The following PHLPP1 variants were observed in gnomAD, a reference collection of about 807,000 sequenced individuals.
PHLPP1 encodes the protein PH domain and leucine rich repeat protein phosphatase 1.
Under a neutral mutation model 117.2 loss-of-function variants are expected in PHLPP1, and 42 were observed. The observed-to-expected ratio is 0.36, with a 90% CI of 0.28 to 0.46. The LOEUF is 0.46. Ranked by LOEUF, PHLPP1 falls within the 20% of genes least tolerant of loss-of-function variation. The pLI is 1.00. For missense variants in PHLPP1, 2,084 were observed against 2,241.9 expected (o/e 0.93, Z 1.42); for synonymous variants, 1,042 against 970.7 (o/e 1.07, Z -1.37).
intron 1 of PHLPP1, among the ~76,000 whole-genome samples, chr18:62,801,765 A>T (rs1015521509): frequency 1.3e-5 from 2 of 151,914 alleles, no homozygotes; most frequent in Admixed American, 1.3e-4. Context: ...GTTTGTTTTT[A>T]TGTCCATGGT....
intron 4 of PHLPP1, among the ~76,000 whole-genome samples, chr18:62,876,521 A>G (rs1335987003): frequency 6.6e-6 from 1 of 152,152 alleles, no homozygotes. Context: ...TAAAATTGCC[A>G]TCTACTGTAA....
At chr18:62,758,411 C>T (rs1912098101) in intron 1 of PHLPP1, among the ~76,000 whole-genome samples, 1 of 152,134 alleles carries the variant, frequency 6.6e-6, no homozygotes, top group African/African-American at 2.4e-5. Context: ...AAATGGGTAT[C>T]CTTTCGTGCT....
At chr18:62,936,595 A>C (rs548177328) in intron 10 of PHLPP1, among the ~76,000 whole-genome samples, 2 of 152,346 alleles carry the variant, frequency 1.3e-5, no homozygotes, top group Admixed American at 1.3e-4. Flanking sequence ...TAATATCTCC[A>C]ATAATAAGAC....
chr18:62,881,677 C>A (rs1356277115), intron 4 of PHLPP1, among the ~76,000 whole-genome samples: 2 of 152,186 alleles, frequency 1.3e-5, no homozygotes, highest in Non-Finnish European at 2.9e-5. Flanking sequence ...TGCTAAGCCT[C>A]CCAGATGATG....
intron 4 of PHLPP1, among the ~76,000 whole-genome samples, chr18:62,882,455 T>C (rs1437681216): frequency 1.3e-5 from 2 of 151,976 alleles, no homozygotes; most frequent in Non-Finnish European, 2.9e-5. Context: ...GTATTTTTAG[T>C]AGAGACGGGG....
chr18:62,765,037 G>A (rs1912421036), intron 1 of PHLPP1, among the ~76,000 whole-genome samples: 1 of 152,098 alleles, frequency 6.6e-6, no homozygotes, highest in South Asian at 2.1e-4. Flanking sequence ...TCATCTAAAT[G>A]TCCTTCCCTC....
At chr18:62,807,661 G>A (rs1599057824) in intron 1 of PHLPP1, among the ~76,000 whole-genome samples, 1 of 152,248 alleles carries the variant, frequency 6.6e-6, no homozygotes, top group East Asian at 1.9e-4. Context: ...TTTGCTCCTA[G>A]GCTATAAACC....
chr18:62,775,188 C>T (rs1912911568), intron 1 of PHLPP1, among the ~76,000 whole-genome samples: 2 of 152,138 alleles, frequency 1.3e-5, no homozygotes, highest in African/African-American at 4.8e-5. Context: ...GCCTCTGCCT[C>T]CCGGGTTCAA....
At position 62,805,882 on chromosome 18, in the gene PHLPP1, G is replaced by A. The variant is rs1340650514; in HGVS notation, c.1577-24153G>A. ...CCCATGCATATAGATTGCCAGTGTT[G>A]CTTTTTTTTTTAATGTTTGAAATAA... On this transcript the variant is annotated intron_variant, in intron 1 of 16. Coordinates refer to ENST00000262719, the MANE Select transcript of PHLPP1 (RefSeq NM_194449.4). Among the ~76,000 whole-genome samples the A allele has an allele frequency of 4.0e-5, 6 of 149,020 alleles. No individual in the cohort carries two copies. In the East Asian group the frequency reaches 1.2e-3, roughly 30 times the overall value.
intron 1 of PHLPP1, among the ~76,000 whole-genome samples, chr18:62,746,908 C>G (rs895418184): frequency 2.0e-5 from 3 of 152,038 alleles, no homozygotes; most frequent in Non-Finnish European, 2.9e-5. Context: ...ACTACAAATT[C>G]AAATGTATCT....
At chr18:62,895,520 CAGTT>C (rs1303727706) in intron 5 of PHLPP1, among the ~76,000 whole-genome samples, 2 of 152,312 alleles carry the variant, frequency 1.3e-5, no homozygotes, top group Admixed American at 6.5e-5. Context: ...ATTCATATCA[CAGTT>C]AGCTCACATT....
At chr18:62,755,692 AATAC>A (rs1474205588) in intron 1 of PHLPP1, among the ~76,000 whole-genome samples, 1 of 152,192 alleles carries the variant, frequency 6.6e-6, no homozygotes, top group Non-Finnish European at 1.5e-5. Context: ...AACTGTGAGA[AATAC>A]ATTTCTGTTG....
chr18:62,724,289 A>T (rs1911005972), intron 1 of PHLPP1, among the ~76,000 whole-genome samples: 1 of 152,208 alleles, frequency 6.6e-6, no homozygotes, highest in Non-Finnish European at 1.5e-5. Context: ...TAATAACTGT[A>T]TTAGAGGGAT....
At chr18:62,840,030 T>C (rs1915013723) in intron 3 of PHLPP1, among the ~76,000 whole-genome samples, 1 of 152,044 alleles carries the variant, frequency 6.6e-6, no homozygotes, top group South Asian at 2.1e-4. Flanking sequence ...TGCTTTCATA[T>C]TTTTGAATTG....
At chr18:62,769,537 A>G (rs1434221201) in intron 1 of PHLPP1, among the ~76,000 whole-genome samples, 5 of 152,202 alleles carry the variant, frequency 3.3e-5, no homozygotes, top group African/African-American at 1.2e-4. Context: ...AAACATTCAC[A>G]GAAATGTCAC....
At position 62,919,863 on chromosome 18, in the gene PHLPP1, G is replaced by A. The variant is rs145459561; in HGVS notation, c.2805-96G>A. On this transcript the variant is annotated intron_variant, in intron 9 of 16. Transcript: ENST00000262719. ...TTTGAATTTATATTAAAATGAATTT[G>A]TAGTTGCTCCAAGTGAATTTGTGAT... is the stretch of plus-strand genomic sequence containing the variant. 3.8e-5 allele frequency: 30 copies of A among 792,810 alleles called. No individual in the cohort carries two copies. In the African/African-American group the frequency reaches 4.7e-4, roughly 13 times the overall value. 49.1% of individuals were successfully genotyped at this position (792,810 alleles called of 1,614,324 possible).
intron 3 of PHLPP1, among the ~76,000 whole-genome samples, chr18:62,858,784 AT>A (rs1011757400): frequency 3.3e-5 from 5 of 152,030 alleles, no homozygotes; most frequent in Admixed American, 1.3e-4. Context: ...ATCTAAAAAT[AT>A]TTTTTTTAAT....
At chr18:62,852,013 A>G (rs980182407) in intron 3 of PHLPP1, among the ~76,000 whole-genome samples, 1 of 151,788 alleles carries the variant, frequency 6.6e-6, no homozygotes, top group African/African-American at 2.4e-5. Context: ...TGTAGCTAGG[A>G]CTATAGGCAC....
chr18:62,942,472 A>G (rs1415930527), intron 11 of PHLPP1, among the ~76,000 whole-genome samples: 3 of 152,224 alleles, frequency 2.0e-5, no homozygotes, highest in Admixed American at 6.5e-5. Flanking sequence ...CTTTATATTC[A>G]TATTCATGAT....
Sources: gnomAD v4.1 joint callset for allele counts (sites outside exome capture counted in the v4.1 genomes callset) on GRCh38, gnomAD v4.1.1 for gene constraint, MANE v1.5 for transcripts, NCBI Gene and HGNC (gene_info 2026-07-23, HGNC 2026-07-21) for gene names.